OTUD7A: variants seen among roughly 807,000 people sequenced by gnomAD.
OTUD7A encodes OTU domain-containing protein 7A.
A neutral mutation model predicts 65.7 loss-of-function variants in OTUD7A; 12 were observed. The ratio of observed to expected loss-of-function variants is 0.18; its 90% CI spans 0.12 to 0.30. The LOEUF is 0.30. Among genes scored for constraint, OTUD7A ranks in the 10% least tolerant of loss-of-function variants. The pLI is 1.00. For missense variants in OTUD7A, 1,148 were observed against 1,304.8 expected (o/e 0.88, Z 1.85); for synonymous variants, 641 against 586.3 (o/e 1.09, Z -1.35).
chr15:31,590,348 G>A (rs915739967), intron 3 of OTUD7A, among the ~76,000 whole-genome samples: 1 of 152,036 alleles, frequency 6.6e-6, no homozygotes, highest in Non-Finnish European at 1.5e-5. Context: ...GTCTCATAAG[G>A]TATTTCTGTC....
chr15:31,835,296 A>G (rs948498253), intron 1 of OTUD7A, among the ~76,000 whole-genome samples: 1 of 152,258 alleles, frequency 6.6e-6, no homozygotes, highest in Non-Finnish European at 1.5e-5. Context: ...GTCCCATGTA[A>G]TATTTGACTC....
chr15:31,609,802 C>A (rs531098008), intron 3 of OTUD7A, among the ~76,000 whole-genome samples: 2 of 152,142 alleles, frequency 1.3e-5, no homozygotes, highest in Non-Finnish European at 2.9e-5. Context: ...AAGCTAAGAA[C>A]GCTCACAGAG....
intron 1 of OTUD7A, among the ~76,000 whole-genome samples, chr15:31,831,804 C>T (rs903850990): frequency 6.6e-6 from 1 of 152,212 alleles, no homozygotes; most frequent in South Asian, 2.1e-4. Context: ...CAGACAGTGA[C>T]GAAAAGGAGC....
At chr15:31,728,559 TTCC>T (rs555541786) in intron 1 of OTUD7A, among the ~76,000 whole-genome samples, 70 of 152,262 alleles carry the variant, frequency 4.6e-4, no homozygotes, top group Non-Finnish European at 8.1e-4. Context: ...CCTTTCTTTA[TTCC>T]TCATCCTCCT....
In OTUD7A at chr15:31,483,192, C is replaced by A. The variant is rs1180318112; in HGVS notation, c.*102G>T. 6.0e-6 allele frequency: 6 copies of A among 1,005,818 alleles called. No individual in the cohort carries two copies. The highest frequency in any genetic ancestry group is 7.2e-6 in the Non-Finnish European group (6 of 838,248). 62.3% of individuals were successfully genotyped at this position (1,005,818 alleles called of 1,614,324 possible). ...ACGTACACGGCACTGACAGAGGAGG[C>A]GCCGGCCTTCCGGTGGACCAGGGCA... is the stretch of plus-strand genomic sequence containing the variant. On this transcript the variant is annotated 3_prime_UTR_variant, in exon 13 of 13. Coordinates refer to ENST00000307050, the MANE Select transcript of OTUD7A (RefSeq NM_001382637.1).
At chr15:31,594,268 TA>T (rs1889839270) in intron 3 of OTUD7A, among the ~76,000 whole-genome samples, 1 of 152,188 alleles carries the variant, frequency 6.6e-6, no homozygotes, top group African/African-American at 2.4e-5. Context: ...TCCTTTCAGT[TA>T]AATCGTTTCA....
chr15:31,550,301 C>G (rs1385527631), intron 5 of OTUD7A, among the ~76,000 whole-genome samples: 1 of 152,064 alleles, frequency 6.6e-6, no homozygotes, highest in African/African-American at 2.4e-5. Flanking sequence ...CAGCACAAGA[C>G]AGCATGCACC....
intron 1 of OTUD7A, among the ~76,000 whole-genome samples, chr15:31,798,800 G>A (rs1388581221): frequency 6.6e-6 from 1 of 152,210 alleles, no homozygotes; most frequent in Non-Finnish European, 1.5e-5. Flanking sequence ...AAGCCAGGGG[G>A]AGGCTCAGCT....
At chr15:31,731,662 T>C (rs1169451766) in intron 1 of OTUD7A, among the ~76,000 whole-genome samples, 1 of 152,184 alleles carries the variant, frequency 6.6e-6, no homozygotes, top group East Asian at 1.9e-4. Context: ...CCGTGGAGTG[T>C]ACAACAGCAA....
At chr15:31,867,674 G>T (rs1897913476) in intron 1 of OTUD7A, among the ~76,000 whole-genome samples, 1 of 152,214 alleles carries the variant, frequency 6.6e-6, no homozygotes, top group Admixed American at 6.5e-5. Context: ...GTAGTTCACT[G>T]AAGTCAACTT....
chr15:31,566,530 A>G (rs1888880030), intron 4 of OTUD7A, among the ~76,000 whole-genome samples: 2 of 152,184 alleles, frequency 1.3e-5, no homozygotes, highest in Non-Finnish European at 2.9e-5. Context: ...GAGACAAGAC[A>G]CCATTTTCCA....
intron 10 of OTUD7A, among the ~76,000 whole-genome samples, chr15:31,491,368 G>C (rs942581179): frequency 2.6e-5 from 4 of 152,146 alleles, no homozygotes; most frequent in African/African-American, 9.7e-5. Context: ...TAGAGGTGAA[G>C]AATGATTTTG....
At chr15:31,499,747 A>G (rs1326616908) in intron 10 of OTUD7A, among the ~76,000 whole-genome samples, 1 of 152,228 alleles carries the variant, frequency 6.6e-6, no homozygotes, top group African/African-American at 2.4e-5. Context: ...GCATCGCCCC[A>G]GGAGGATCCC....
intron 8 of OTUD7A, among the ~76,000 whole-genome samples, chr15:31,507,992 A>G (rs926921430): frequency 1.3e-5 from 2 of 152,176 alleles, no homozygotes; most frequent in African/African-American, 4.8e-5. Context: ...CAGGACATAA[A>G]TATTTGTGTG....
At chr15:31,509,601 T>C (rs1018383712) in intron 8 of OTUD7A, among the ~76,000 whole-genome samples, 4 of 152,134 alleles carry the variant, frequency 2.6e-5, no homozygotes, top group Admixed American at 6.5e-5. Context: ...TAAAACAAAA[T>C]TTTTTTAACC....
rs184531749 is a variant in OTUD7A at position 31,527,826 on chromosome 15, A to G, written c.653-518T>C. On this transcript the variant is annotated intron_variant, in intron 6 of 12. Transcript: ENST00000307050. ...TGACACCACTGCACACACCTGGCCC[A>G]GGAGAGAGCGCCTGCTTCCTAGTGA... Among the ~76,000 whole-genome samples the G allele has an allele frequency of 2.4e-3, 373 of 152,342 alleles. 3 individuals are homozygous for G. The highest frequency in any genetic ancestry group is 8.5e-3 in the African/African-American group (355 of 41,576).
intron 1 of OTUD7A, among the ~76,000 whole-genome samples, chr15:31,811,357 GGT>G (rs1370134625): frequency 6.6e-6 from 1 of 151,480 alleles, no homozygotes; most frequent in Admixed American, 6.6e-5. Flanking sequence ...GTGTGTGTGT[GGT>G]GTGTGTGATA....
chr15:31,493,278 T>TCTTTGGTAACA (rs2041343413), intron 10 of OTUD7A, among the ~76,000 whole-genome samples: 11 of 152,292 alleles, frequency 7.2e-5, no homozygotes, highest in Middle Eastern at 3.4e-3. Context: ...CATGGACTGT[T>TCTTTGGTAACA]ACCAAAGAAA....
rs114038620 is a variant in OTUD7A at position 31,856,569 on chromosome 15, G to A, written c.-100+13938C>T. ...TAGTTTTATCTTTGTAGATGTCACT[G>A]TTTTTCATGGAACATGTTTCACAAA... On this transcript the variant is annotated intron_variant, in intron 1 of 12. Transcript: ENST00000307050. Among the ~76,000 whole-genome samples, 1,065 of 152,230 alleles carry A rather than the reference G, an allele frequency of 7.0e-3. 15 individuals carry two copies. The highest frequency in any genetic ancestry group is 0.025 in the African/African-American group (1,025 of 41,524).
Sources: allele counts gnomAD v4.1 joint callset (sites outside exome capture counted in the v4.1 genomes callset), GRCh38; gene constraint gnomAD v4.1.1; transcripts MANE v1.5; gene names NCBI Gene and HGNC (gene_info 2026-07-23, HGNC 2026-07-21).